Variants in RAB38 observed in about 807,000 individuals in gnomAD.
RAB38 encodes the protein ras-related protein Rab-38.
Under a neutral mutation model 18.4 loss-of-function variants are expected in RAB38, and 15 were observed. The ratio of observed to expected loss-of-function variants is 0.82; its 90% CI spans 0.55 to 1.26. RAB38 has a LOEUF of 1.26. RAB38 is among the 50% of genes most tolerant of loss of function. The pLI is 0.00. For missense variants in RAB38, 294 were observed against 267.4 expected (o/e 1.10, Z -0.69); for synonymous variants, 101 against 104.4 (o/e 0.97, Z 0.20).
At chr11:87,837,618 T>A in the RAB38 span, among the ~76,000 whole-genome samples, 1 of 152,190 alleles carries the variant, frequency 6.6e-6, no homozygotes, top group Admixed American at 6.5e-5. Context: ...TAGTCAATTA[T>A]TATCACTCAG....
the RAB38 span, among the ~76,000 whole-genome samples, chr11:87,953,242 A>G: frequency 6.6e-6 from 1 of 152,200 alleles, no homozygotes; most frequent in Non-Finnish European, 1.5e-5. Context: ...AAGCAAAGAA[A>G]GAGTTCGTGT....
chr11:88,016,307 G>A, the RAB38 span, among the ~76,000 whole-genome samples: 3,184 of 152,186 alleles, frequency 0.021, 98 homozygotes, highest in African/African-American at 0.071. Context: ...CCTGGTAACA[G>A]TAGAATGAGA....
chr11:87,937,828 T>C, the RAB38 span, among the ~76,000 whole-genome samples: 2 of 151,982 alleles, frequency 1.3e-5, no homozygotes, highest in Non-Finnish European at 2.9e-5. Context: ...CTTTCTATTT[T>C]CTTCATTTGT....
the RAB38 span, among the ~76,000 whole-genome samples, chr11:87,934,815 A>G: frequency 6.6e-6 from 1 of 152,180 alleles, no homozygotes; most frequent in Non-Finnish European, 1.5e-5. Context: ...TAGGGAATAG[A>G]AAAGATGAAA....
chr11:87,828,449 A>G, the RAB38 span, among the ~76,000 whole-genome samples: 1 of 152,184 alleles, frequency 6.6e-6, no homozygotes, highest in African/African-American at 2.4e-5. Flanking sequence ...AGGTATGAGT[A>G]TCTCTAATCT....
the RAB38 span, among the ~76,000 whole-genome samples, chr11:87,889,386 A>G: frequency 6.6e-6 from 1 of 151,888 alleles, no homozygotes; most frequent in Non-Finnish European, 1.5e-5. Flanking sequence ...ATTTCTTCTC[A>G]TCTTTCAAGA....
chr11:87,900,597 C>G, the RAB38 span, among the ~76,000 whole-genome samples: 2 of 151,258 alleles, frequency 1.3e-5, no homozygotes, highest in Non-Finnish European at 3.0e-5. Context: ...ACTCAATGTT[C>G]CCAATATTAA....
intron 2 of RAB38, among the ~76,000 whole-genome samples, chr11:88,147,467 T>G (rs192622314): frequency 6.6e-6 from 1 of 152,092 alleles, no homozygotes; most frequent in East Asian, 1.9e-4. Flanking sequence ...GTGACATTTT[T>G]TGAAAGAAAG....
chr11:88,088,861 T>C, the RAB38 span, among the ~76,000 whole-genome samples: 3 of 151,434 alleles, frequency 2.0e-5, no homozygotes, highest in African/African-American at 7.3e-5. Context: ...TCGGGGAAAA[T>C]ATGTCTCTCA....
the RAB38 span, among the ~76,000 whole-genome samples, chr11:88,094,543 T>C: frequency 6.6e-6 from 1 of 151,914 alleles, no homozygotes; most frequent in African/African-American, 2.4e-5. Flanking sequence ...ACTCCTCATG[T>C]CTCCACTTTC....
the RAB38 span, among the ~76,000 whole-genome samples, chr11:87,929,170 C>T: frequency 6.6e-6 from 1 of 151,938 alleles, no homozygotes; most frequent in African/African-American, 2.4e-5. Flanking sequence ...CAAGTCTATC[C>T]TGTAGAGGTA....
At chr11:88,010,498 T>C in the RAB38 span, among the ~76,000 whole-genome samples, 1 of 152,296 alleles carries the variant, frequency 6.6e-6, no homozygotes, top group East Asian at 1.9e-4. Context: ...ACTGTATTGA[T>C]ATGAATTCTA....
At chr11:88,137,937 C>T (rs772657986) in intron 2 of RAB38, among the ~76,000 whole-genome samples, 64 of 152,320 alleles carry the variant, frequency 4.2e-4, no homozygotes, top group Middle Eastern at 3.4e-3. Context: ...ACCGAGGAAT[C>T]TATACCCATC....
chr11:87,949,659 T>C, the RAB38 span, among the ~76,000 whole-genome samples: 1 of 152,244 alleles, frequency 6.6e-6, no homozygotes, highest in Non-Finnish European at 1.5e-5. Flanking sequence ...CCACTAATCA[T>C]TCAGGAGCAG....
At chr11:87,859,816 C>T in the RAB38 span, among the ~76,000 whole-genome samples, 1 of 152,022 alleles carries the variant, frequency 6.6e-6, no homozygotes, top group Non-Finnish European at 1.5e-5. Flanking sequence ...CATTCCCAGA[C>T]AGGTTCATTC....
At chr11:87,921,727 A>C in the RAB38 span, among the ~76,000 whole-genome samples, 5 of 151,894 alleles carry the variant, frequency 3.3e-5, no homozygotes, top group Non-Finnish European at 5.9e-5. Flanking sequence ...TGTGCCTGGC[A>C]CATAGTAAGC....
chr11:87,947,352 G>T, the RAB38 span, among the ~76,000 whole-genome samples: 4 of 148,374 alleles, frequency 2.7e-5, no homozygotes, highest in African/African-American at 1.0e-4. Flanking sequence ...TGTTCACTCT[G>T]ATGGTAGTTT....
At chr11:87,879,252 A>G in the RAB38 span, among the ~76,000 whole-genome samples, 1 of 151,676 alleles carries the variant, frequency 6.6e-6, no homozygotes, top group African/African-American at 2.4e-5. Flanking sequence ...GTATACACTC[A>G]TAAATATTTT....
the RAB38 span, among the ~76,000 whole-genome samples, chr11:87,905,386 C>T: frequency 6.6e-6 from 1 of 151,110 alleles, no homozygotes; most frequent in African/African-American, 2.4e-5. Flanking sequence ...ACTTATAGGG[C>T]ATATATTCCT....
Sources: allele counts gnomAD v4.1 joint callset (sites outside exome capture counted in the v4.1 genomes callset), GRCh38; gene constraint gnomAD v4.1.1; transcripts MANE v1.5; gene names NCBI Gene and HGNC (gene_info 2026-07-23, HGNC 2026-07-21).